The following ZBTB7C variants were observed in gnomAD, a reference collection of about 807,000 sequenced individuals.
ZBTB7C encodes the protein zinc finger and BTB domain-containing protein 7C.
A neutral mutation model predicts 25.7 loss-of-function variants in ZBTB7C; 8 were observed. That is an observed-to-expected ratio of 0.31 (90% confidence interval 0.18 to 0.56). The LOEUF (loss-of-function observed/expected upper bound fraction) is 0.56, where lower values mean the gene tolerates loss of function less well. Ranked by LOEUF, ZBTB7C falls within the 20% of genes least tolerant of loss-of-function variation. The pLI is 0.91. For missense variants in ZBTB7C, 824 were observed against 855.2 expected (o/e 0.96, Z 0.46); for synonymous variants, 394 against 369.0 (o/e 1.07, Z -0.78).
intron 3 of ZBTB7C, among the ~76,000 whole-genome samples, chr18:48,075,623 C>A (rs557125059): frequency 6.6e-5 from 10 of 152,270 alleles, no homozygotes; most frequent in African/African-American, 2.2e-4. Flanking sequence ...GCTTCCCCTG[C>A]AGCTGCAGGG....
rs140120475 is a variant in ZBTB7C at position 48,390,695 on chromosome 18, C to T, written c.-304+18531G>A. ...TCCCCACAGGTAAAATGAGATGCTG[C>T]GTCCCAGCATCGCCAAGGTGTGGTT... On this transcript the variant is annotated intron_variant, in intron 1 of 4. Transcript: ENST00000590800. 3.2e-3 allele frequency among the ~76,000 whole-genome samples: 489 copies of T among 152,304 alleles called. 4 individuals carry two copies. The highest frequency in any genetic ancestry group is 0.011 in the African/African-American group (442 of 41,574).
intron 3 of ZBTB7C, chr18:48,041,478 CT>C: frequency 1.0e-6 from 1 of 985,456 alleles, no homozygotes; most frequent in Non-Finnish European, 1.2e-6. Context: ...ATGAACCTAG[CT>C]GTTGCCTTGG....
intron 3 of ZBTB7C, among the ~76,000 whole-genome samples, chr18:48,162,829 C>T (rs150528381): frequency 1.4e-4 from 22 of 152,308 alleles, no homozygotes; most frequent in Non-Finnish European, 2.6e-4. Flanking sequence ...AAATAAGAGA[C>T]GCAGGATGGA....
At chr18:48,102,546 C>A (rs147559869) in intron 3 of ZBTB7C, among the ~76,000 whole-genome samples, 2 of 126,310 alleles carry the variant, frequency 1.6e-5, no homozygotes, top group Admixed American at 1.9e-4. Flanking sequence ...GGCTGGGTGA[C>A]AGAGTGAGAT....
intron 3 of ZBTB7C, among the ~76,000 whole-genome samples, chr18:48,084,272 C>T (rs533482958): frequency 7.9e-5 from 12 of 152,260 alleles, no homozygotes; most frequent in African/African-American, 2.9e-4. Context: ...GGCCAGAGGT[C>T]GGGGGACTGC....
chr18:48,331,398 C>T (rs971752813), intron 2 of ZBTB7C, among the ~76,000 whole-genome samples: 1 of 152,280 alleles, frequency 6.6e-6, no homozygotes, highest in East Asian at 1.9e-4. Context: ...AACTGAGGCT[C>T]GTGCAGCATG....
At chr18:48,363,582 G>T (rs2047159564) in intron 1 of ZBTB7C, among the ~76,000 whole-genome samples, 1 of 152,276 alleles carries the variant, frequency 6.6e-6, no homozygotes, top group Middle Eastern at 3.4e-3. Flanking sequence ...TGAAGCCCAG[G>T]AAAGAGATAA....
chr18:48,365,535 T>C (rs1265208108), intron 1 of ZBTB7C, among the ~76,000 whole-genome samples: 1 of 152,182 alleles, frequency 6.6e-6, no homozygotes, highest in Non-Finnish European at 1.5e-5. Flanking sequence ...CCTACGGCTA[T>C]AGGAACTGAA....
chr18:48,335,276 A>T (rs1019366170), intron 2 of ZBTB7C, among the ~76,000 whole-genome samples: 1 of 152,378 alleles, frequency 6.6e-6, no homozygotes, highest in African/African-American at 2.4e-5. Flanking sequence ...ATTTAGGAAA[A>T]TAAGAAGAAT....
intron 3 of ZBTB7C, among the ~76,000 whole-genome samples, chr18:48,089,893 G>A (rs1195646985): frequency 6.6e-6 from 1 of 152,224 alleles, no homozygotes; most frequent in Non-Finnish European, 1.5e-5. Context: ...CGCTGGGTGA[G>A]GCTGCCGATC....
At chr18:48,110,095 T>C (rs541068805) in intron 3 of ZBTB7C, among the ~76,000 whole-genome samples, 3 of 152,312 alleles carry the variant, frequency 2.0e-5, no homozygotes, top group East Asian at 3.9e-4. Flanking sequence ...GTATGCGCTT[T>C]ATTGAATTTA....
intron 3 of ZBTB7C, among the ~76,000 whole-genome samples, chr18:48,171,913 C>T (rs549795172): frequency 1.3e-5 from 2 of 152,362 alleles, no homozygotes; most frequent in South Asian, 4.1e-4. Context: ...CTTAATCCTT[C>T]CAGTCTCTGA....
chr18:48,321,781 G>A (rs372644162), intron 2 of ZBTB7C, among the ~76,000 whole-genome samples: 3 of 152,278 alleles, frequency 2.0e-5, no homozygotes, highest in South Asian at 2.1e-4. Flanking sequence ...TGGGCTGCAC[G>A]GTGCAGGCTG....
intron 2 of ZBTB7C, among the ~76,000 whole-genome samples, chr18:48,336,377 C>T (rs763424183): frequency 1.3e-5 from 2 of 152,170 alleles, no homozygotes; most frequent in Non-Finnish European, 2.9e-5. Flanking sequence ...CTACATGTAC[C>T]GATCACTTAT....
chr18:48,183,948 A>G (rs985313869), intron 3 of ZBTB7C, among the ~76,000 whole-genome samples: 3 of 152,052 alleles, frequency 2.0e-5, no homozygotes, highest in Admixed American at 1.3e-4. Flanking sequence ...CTCCTTGACA[A>G]GTGTTTCCTA....
intron 3 of ZBTB7C, among the ~76,000 whole-genome samples, chr18:48,054,197 A>G (rs1333697341): frequency 1.3e-5 from 2 of 152,138 alleles, no homozygotes; most frequent in Admixed American, 1.3e-4. Context: ...AAATCAGGGA[A>G]GGTTCTGGAT....
intron 3 of ZBTB7C, among the ~76,000 whole-genome samples, chr18:48,172,530 C>T (rs1373301357): frequency 6.6e-6 from 1 of 152,170 alleles, no homozygotes; most frequent in Non-Finnish European, 1.5e-5. Context: ...TCAGTGGGAG[C>T]TGGGGGAGAG....
chr18:48,349,066 G>A (rs943243855), intron 1 of ZBTB7C, among the ~76,000 whole-genome samples: 4 of 152,204 alleles, frequency 2.6e-5, no homozygotes, highest in Admixed American at 6.5e-5. Flanking sequence ...CACAGTAGGG[G>A]CCACAGGGTC....
rs12963626 is a variant in ZBTB7C at position 48,160,528 on chromosome 18, A to G, written c.-17+25406T>C. 4.8e-3 allele frequency among the ~76,000 whole-genome samples: 726 copies of G among 152,264 alleles called. 4 individuals carry two copies. The highest frequency in any genetic ancestry group is 9.1e-3 in the South Asian group (44 of 4,810). ...AAGGGCCTCATCTATTAAACCCAGG[A>G]CTGGGCTGAGGATGCCTGTGGTCCA... On this transcript the variant is annotated intron_variant, in intron 3 of 4. Coordinates refer to ENST00000590800, the MANE Select transcript of ZBTB7C (RefSeq NM_001318841.2).
Sources: allele counts gnomAD v4.1 joint callset (sites outside exome capture counted in the v4.1 genomes callset), GRCh38; gene constraint gnomAD v4.1.1; transcripts MANE v1.5; gene names NCBI Gene and HGNC (gene_info 2026-07-23, HGNC 2026-07-21).